Variants in CCDC102B observed in about 807,000 individuals in gnomAD.
The protein encoded by CCDC102B is coiled-coil domain containing 102B, also known as coiled-coil domain-containing protein 102B.
Under a neutral mutation model 57.4 loss-of-function variants are expected in CCDC102B, and 75 were observed. That is an observed-to-expected ratio of 1.31 (90% CI 1.08 to 1.58). The LOEUF is 1.58. CCDC102B is among the 40% of genes most tolerant of loss of function. The pLI, the probability that CCDC102B is intolerant of heterozygous loss-of-function variation, is 0.00. For synonymous variants in CCDC102B, 206 were observed against 201.9 expected (o/e 1.02, Z -0.17); for missense variants, 636 against 582.6 (o/e 1.09, Z -0.94).
intron 6 of CCDC102B, among the ~76,000 whole-genome samples, chr18:68,978,652 A>G (rs2050499495): frequency 6.6e-6 from 1 of 152,062 alleles, no homozygotes; most frequent in South Asian, 2.1e-4. Flanking sequence ...TACATAGGCC[A>G]TAGTGTAGCA....
At chr18:68,889,073 A>G (rs1051608334) in intron 5 of CCDC102B, among the ~76,000 whole-genome samples, 5 of 149,914 alleles carry the variant, frequency 3.3e-5, no homozygotes, top group African/African-American at 4.9e-5. Context: ...AACATTATAG[A>G]TTCATGAATT....
At chr18:68,986,251 T>C (rs2050720199) in intron 6 of CCDC102B, among the ~76,000 whole-genome samples, 1 of 151,988 alleles carries the variant, frequency 6.6e-6, no homozygotes, top group African/African-American at 2.4e-5. Flanking sequence ...ACAAAAATCA[T>C]CAGCAAAACT....
intron 2 of CCDC102B, among the ~76,000 whole-genome samples, chr18:68,837,690 G>A (rs2037444874): frequency 6.6e-6 from 1 of 151,958 alleles, no homozygotes; most frequent in African/African-American, 2.4e-5. Context: ...TTCTTGTAAG[G>A]GCACCATCAT....
chr18:68,938,914 A>T (rs904178534), intron 6 of CCDC102B, among the ~76,000 whole-genome samples: 9 of 151,772 alleles, frequency 5.9e-5, no homozygotes, highest in East Asian at 3.9e-4. Flanking sequence ...TATCAATTAA[A>T]TTTTTTTATA....
intron 6 of CCDC102B, among the ~76,000 whole-genome samples, chr18:68,998,958 C>A: frequency 7.3e-6 from 1 of 137,650 alleles, no homozygotes; most frequent in African/African-American, 2.8e-5. Flanking sequence ...TTAATAATCA[C>A]ATAATCATCA....
intron 1 of CCDC102B, among the ~76,000 whole-genome samples, chr18:68,804,284 G>C (rs1259120020): frequency 6.7e-6 from 1 of 148,790 alleles, no homozygotes; most frequent in Non-Finnish European, 1.5e-5. Flanking sequence ...AGGTGTAGAT[G>C]TGAGGGGAGT....
At chr18:69,031,342 C>T (rs61648567) in intron 7 of CCDC102B, among the ~76,000 whole-genome samples, 11,827 of 152,042 alleles carry the variant, frequency 0.078, 1,541 homozygotes, top group African/African-American at 0.27. Flanking sequence ...AGTCATTTGG[C>T]TTATAATCCA....
chr18:68,964,401 GT>G (rs59142595), intron 6 of CCDC102B, among the ~76,000 whole-genome samples: 66,037 of 143,858 alleles, frequency 0.46, 15,251 homozygotes, highest in Non-Finnish European at 0.52. Flanking sequence ...AAAGTTCAGG[GT>G]TTTTTTTTTT....
At chr18:68,892,652 G>A (rs1216995079) in intron 5 of CCDC102B, among the ~76,000 whole-genome samples, 1 of 152,018 alleles carries the variant, frequency 6.6e-6, no homozygotes, top group Non-Finnish European at 1.5e-5. Context: ...AATTTTCAAA[G>A]GATACTATTT....
chr18:68,778,935 C>T (rs1410966123), intron 2 of CCDC102B, among the ~76,000 whole-genome samples: 1 of 149,958 alleles, frequency 6.7e-6, no homozygotes, highest in Non-Finnish European at 1.5e-5. Flanking sequence ...AGTGAAGACT[C>T]TTAAAAGGTA....
intron 6 of CCDC102B, among the ~76,000 whole-genome samples, chr18:68,966,150 C>T (rs1478213423): frequency 6.6e-6 from 1 of 152,110 alleles, no homozygotes; most frequent in Non-Finnish European, 1.5e-5. Context: ...TTTAAACATT[C>T]TCTTATCTTA....
At chr18:68,725,612 A>G (rs1484449548) in intron 2 of CCDC102B, among the ~76,000 whole-genome samples, 2 of 152,202 alleles carry the variant, frequency 1.3e-5, no homozygotes, top group Non-Finnish European at 2.9e-5. Flanking sequence ...CAGTGGGGCA[A>G]GTCTTTCTCC....
At chr18:68,757,435 G>C (rs1295896802) in intron 2 of CCDC102B, among the ~76,000 whole-genome samples, 1 of 151,908 alleles carries the variant, frequency 6.6e-6, no homozygotes, top group African/African-American at 2.4e-5. Flanking sequence ...CTGCAGAGTA[G>C]GAAAAGGAGG....
At chr18:68,917,403 G>A (rs751323340) in intron 6 of CCDC102B, among the ~76,000 whole-genome samples, 8 of 152,228 alleles carry the variant, frequency 5.3e-5, no homozygotes, top group African/African-American at 9.6e-5. Context: ...GGAAACTGCG[G>A]GAAAGATGCA....
At position 68,838,641 on chromosome 18, in the gene CCDC102B, A is replaced by G. The variant is rs1043191659; in HGVS notation, c.607-65A>G. 31 of 1,562,086 alleles carry G rather than the reference A, an allele frequency of 2.0e-5. No individual in the cohort carries two copies. In the Admixed American group the frequency reaches 5.8e-4, roughly 29 times the overall value. ...ATCGTAACATTTATTTCTTTATGAAAATGTTTTGTCATCATGATTTTTCTC... is the reference window on the plus strand; with the variant it reads ...ATCGTAACATTTATTTCTTTATGAAGATGTTTTGTCATCATGATTTTTCTC... On this transcript the variant is annotated intron_variant, in intron 2 of 7. Transcript: ENST00000360242.
intron 2 of CCDC102B, among the ~76,000 whole-genome samples, chr18:68,785,996 G>T (rs1196011903): frequency 6.6e-6 from 1 of 151,820 alleles, no homozygotes. Flanking sequence ...ATCTTGAATT[G>T]ATTTTTGTAT....
At chr18:68,799,796 G>A (rs1054470705) in intron 1 of CCDC102B, among the ~76,000 whole-genome samples, 1 of 152,186 alleles carries the variant, frequency 6.6e-6, no homozygotes, top group South Asian at 2.1e-4. Flanking sequence ...TAAAAGAATG[G>A]TGAGTAATTT....
At chr18:68,745,168 TG>T (rs2033563406) in intron 2 of CCDC102B, among the ~76,000 whole-genome samples, 1 of 151,950 alleles carries the variant, frequency 6.6e-6, no homozygotes, top group South Asian at 2.1e-4. Flanking sequence ...TGAGAAGAAG[TG>T]GGGTGTGCTT....
intron 6 of CCDC102B, among the ~76,000 whole-genome samples, chr18:68,994,166 T>C (rs2050953136): frequency 6.6e-6 from 1 of 152,192 alleles, no homozygotes; most frequent in Admixed American, 6.5e-5. Context: ...CTTTTTAAAA[T>C]TTGAATTCTA....
Sources: allele counts gnomAD v4.1 joint callset (sites outside exome capture counted in the v4.1 genomes callset), GRCh38; gene constraint gnomAD v4.1.1; transcripts MANE v1.5; gene names NCBI Gene and HGNC (gene_info 2026-07-23, HGNC 2026-07-21).